Variants in REC114 observed in about 807,000 individuals in gnomAD.
REC114 encodes REC114 meiotic recombination protein.
A neutral mutation model predicts 31.3 loss-of-function variants in REC114; 27 were observed. The observed-to-expected ratio is 0.86, with a 90% CI of 0.64 to 1.19. The LOEUF is 1.19. Among genes scored for constraint, REC114 ranks in the 50% most tolerant of loss-of-function variants. REC114 has a pLI of 0.00. For synonymous variants in REC114, 134 were observed against 127.7 expected (o/e 1.05, Z -0.33); for missense variants, 344 against 326.9 (o/e 1.05, Z -0.40).
intron 2 of REC114, among the ~76,000 whole-genome samples, chr15:73,479,251 T>C (rs1028505253): frequency 2.0e-5 from 3 of 150,746 alleles, no homozygotes; most frequent in Non-Finnish European, 3.0e-5. Flanking sequence ...TATTCCTAGT[T>C]TGCTAAGGGA....
chr15:73,464,144 T>G (rs1893025748), intron 1 of REC114, among the ~76,000 whole-genome samples: 1 of 152,110 alleles, frequency 6.6e-6, no homozygotes, highest in African/African-American at 2.4e-5. Flanking sequence ...TCCGTGTATC[T>G]TGTTACACAT....
At chr15:73,502,268 A>G (rs1053100013) in intron 2 of REC114, among the ~76,000 whole-genome samples, 1 of 152,146 alleles carries the variant, frequency 6.6e-6, no homozygotes, top group Non-Finnish European at 1.5e-5. Context: ...AAAAAAAAAT[A>G]TAAAAGCTGA....
chr15:73,525,064 G>C (rs12908815), intron 2 of REC114, among the ~76,000 whole-genome samples: 27,437 of 152,196 alleles, frequency 0.18, 4,087 homozygotes, highest in African/African-American at 0.41. Context: ...CCAGTCAGAG[G>C]AGATGTGGAT....
chr15:73,542,884 G>A (rs1225319699), intron 3 of REC114, among the ~76,000 whole-genome samples: 1 of 150,878 alleles, frequency 6.6e-6, no homozygotes, highest in Non-Finnish European at 1.5e-5. Context: ...TTATAAAAAT[G>A]TTCTGATTTT....
chr15:73,452,602 A>G (rs1333676919), intron 1 of REC114, among the ~76,000 whole-genome samples: 1 of 152,140 alleles, frequency 6.6e-6, no homozygotes, highest in Non-Finnish European at 1.5e-5. Flanking sequence ...TCAAGCTACC[A>G]TGACTTTCTT....
intron 2 of REC114, among the ~76,000 whole-genome samples, chr15:73,508,911 G>T (rs1001441159): frequency 6.6e-6 from 1 of 150,946 alleles, no homozygotes; most frequent in Non-Finnish European, 1.5e-5. Flanking sequence ...ACATACGTGT[G>T]CATGTGTCTT....
rs376937060 is a variant in REC114 at position 73,552,047 on chromosome 15, C to A, written c.546+897C>A. Reference sequence around the variant, plus strand: ...TCAGTATTGTCCAGATGACCGATGCCTGAATGCCACAAAATTATACGTGGA... The same window carrying A: ...TCAGTATTGTCCAGATGACCGATGCATGAATGCCACAAAATTATACGTGGA... On this transcript the variant is annotated intron_variant, in intron 4 of 5. Coordinates refer to ENST00000331090, the MANE Select transcript of REC114 (RefSeq NM_001042367.2). Among the ~76,000 whole-genome samples the A allele has an allele frequency of 5.9e-4, 90 of 152,232 alleles. 4 individuals are homozygous for A. In the South Asian group the frequency reaches 0.012, roughly 20 times the overall value.
intron 1 of REC114, among the ~76,000 whole-genome samples, chr15:73,463,984 A>G (rs1893023720): frequency 6.6e-6 from 1 of 152,004 alleles, no homozygotes; most frequent in African/African-American, 2.4e-5. Context: ...TGGAACTTAA[A>G]CCGTTTGTAT....
intron 3 of REC114, 27 bp from the exon 4 acceptor site, chr15:73,550,911 C>A: frequency 1.2e-6 from 2 of 1,605,694 alleles, no homozygotes; most frequent in South Asian, 2.2e-5. Context: ...GAGGGTCTCT[C>A]ATGATAACTT....
intron 2 of REC114, among the ~76,000 whole-genome samples, chr15:73,477,573 T>C (rs1174400595): frequency 6.6e-6 from 1 of 152,074 alleles, no homozygotes; most frequent in East Asian, 1.9e-4. Flanking sequence ...TACACCACCA[T>C]GCCTGGCTAA....
At chr15:73,498,951 C>A (rs1183199693) in intron 2 of REC114, among the ~76,000 whole-genome samples, 1 of 152,132 alleles carries the variant, frequency 6.6e-6, no homozygotes, top group Admixed American at 6.5e-5. Flanking sequence ...TTTGAATGAA[C>A]TTCAGACCTT....
intron 1 of REC114, among the ~76,000 whole-genome samples, chr15:73,449,711 T>C (rs1004340382): frequency 6.6e-6 from 1 of 151,842 alleles, no homozygotes; most frequent in African/African-American, 2.4e-5. Context: ...CACACCAAGG[T>C]TGAAATGAAG....
At chr15:73,555,723 TGAAA>T (rs1199622464) in intron 4 of REC114, among the ~76,000 whole-genome samples, 1 of 152,126 alleles carries the variant, frequency 6.6e-6, no homozygotes, top group Non-Finnish European at 1.5e-5. Flanking sequence ...AAACAGTTGT[TGAAA>T]GAAGATATCT....
At chr15:73,500,144 T>A (rs1190248007) in intron 2 of REC114, among the ~76,000 whole-genome samples, 3 of 152,114 alleles carry the variant, frequency 2.0e-5, no homozygotes, top group African/African-American at 7.2e-5. Context: ...GCTATTAGAA[T>A]GCCTGCAAAT....
chr15:73,477,512 G>A (rs1893232029), intron 2 of REC114, among the ~76,000 whole-genome samples: 1 of 152,088 alleles, frequency 6.6e-6, no homozygotes. Flanking sequence ...GACCTCCCAG[G>A]CTCAAGTAGT....
intron 2 of REC114, among the ~76,000 whole-genome samples, chr15:73,489,100 C>T (rs554504600): frequency 6.6e-6 from 1 of 151,942 alleles, no homozygotes; most frequent in Non-Finnish European, 1.5e-5. Context: ...TTTGAGATGG[C>T]ATCTTTTTGC....
At chr15:73,541,506 A>G (rs530799076) in intron 3 of REC114, among the ~76,000 whole-genome samples, 14 of 152,194 alleles carry the variant, frequency 9.2e-5, no homozygotes, top group Non-Finnish European at 1.8e-4. Context: ...ATTGTAATAA[A>G]CTAATTCAGT....
intron 2 of REC114, among the ~76,000 whole-genome samples, chr15:73,500,033 A>AT (rs142603503): frequency 1.1e-4 from 16 of 151,642 alleles, no homozygotes; most frequent in Admixed American, 5.9e-4. Context: ...TTCAACCATG[A>AT]TTTTTTTTTC....
chr15:73,503,747 T>G (rs1893634487), intron 2 of REC114, among the ~76,000 whole-genome samples: 1 of 152,154 alleles, frequency 6.6e-6, no homozygotes, highest in South Asian at 2.1e-4. Flanking sequence ...TTTATGAATT[T>G]TTGTTTTTGT....
Sources: gnomAD v4.1 joint callset for allele counts (sites outside exome capture counted in the v4.1 genomes callset) on GRCh38, gnomAD v4.1.1 for gene constraint, MANE v1.5 for transcripts, NCBI Gene and HGNC (gene_info 2026-07-23, HGNC 2026-07-21) for gene names.